PRRC2B: variants seen among roughly 807,000 people sequenced by gnomAD.
PRRC2B encodes proline rich coiled-coil 2B, also known as protein PRRC2B.
PRRC2B carries 68 observed loss-of-function variants against 242.3 expected under a neutral mutation model. The ratio of observed to expected loss-of-function variants is 0.28; its 90% CI spans 0.23 to 0.34. The LOEUF (loss-of-function observed/expected upper bound fraction) is 0.34. Among genes scored for constraint, PRRC2B ranks in the 10% least tolerant of loss-of-function variants. The pLI is 1.00. For synonymous variants in PRRC2B, 1,228 were observed against 1,173.6 expected (o/e 1.05, Z -0.95); for missense variants, 2,835 against 2,954.8 (o/e 0.96, Z 0.94).
chr9:131,402,496 C>T (rs560835374), intron 1 of PRRC2B, among the ~76,000 whole-genome samples: 6 of 152,276 alleles, frequency 3.9e-5, no homozygotes, highest in African/African-American at 1.2e-4. Context: ...ATTCATTCAG[C>T]GACGGGCAGC....
At chr9:131,445,131 C>G (rs1350768781) in intron 6 of PRRC2B, among the ~76,000 whole-genome samples, 2 of 151,960 alleles carry the variant, frequency 1.3e-5, no homozygotes, top group African/African-American at 4.8e-5. Context: ...CACTGCCTTT[C>G]CAGTGGCCCA....
At position 131,496,282 on chromosome 9, in the gene PRRC2B, A is replaced by G. The variant is rs892336470; in HGVS notation, c.*408A>G. 1 of 168,412 alleles carries G rather than the reference A, an allele frequency of 5.9e-6. No individual in the cohort carries two copies. Among genetic ancestry groups the G allele is most frequent in the Admixed American group, 6.1e-5 (1 of 16,284 alleles). The allele number at this position is 168,412 out of a possible 1,614,324, so 10.4% of individuals were successfully genotyped here. On this transcript the variant is annotated 3_prime_UTR_variant, in exon 32 of 32. Coordinates refer to ENST00000683519, the MANE Select transcript of PRRC2B (RefSeq NM_013318.4). Reference sequence around the variant, plus strand: ...TTGGCAGCAGGGTCATTTTACTTTGAGGCTTTTTGTTTTAAAATGTAGCCA... The same window carrying G: ...TTGGCAGCAGGGTCATTTTACTTTGGGGCTTTTTGTTTTAAAATGTAGCCA...
chr9:131,467,165 C>T (rs1219459595), intron 12 of PRRC2B, among the ~76,000 whole-genome samples: 2 of 151,344 alleles, frequency 1.3e-5, no homozygotes, highest in Non-Finnish European at 2.9e-5. Flanking sequence ...GAACTCCTGA[C>T]CTCAAGTGAT....
At chr9:131,388,225 AACTTTT>A (rs912817682) in intron 1 of PRRC2B, among the ~76,000 whole-genome samples, 11 of 146,440 alleles carry the variant, frequency 7.5e-5, no homozygotes, top group Non-Finnish European at 1.7e-4. Context: ...TAATTTCATC[AACTTTT>A]ACTTTTACTT....
intron 1 of PRRC2B, among the ~76,000 whole-genome samples, chr9:131,428,397 T>G (rs1217742996): frequency 6.6e-6 from 1 of 151,440 alleles, no homozygotes; most frequent in Non-Finnish European, 1.5e-5. Flanking sequence ...ATTATTTTTA[T>G]TTTTATTTAT....
intron 17 of PRRC2B, 46 bp from the exon 18 acceptor site, chr9:131,478,428 C>G: frequency 6.3e-7 from 1 of 1,594,570 alleles, no homozygotes; most frequent in Non-Finnish European, 8.6e-7. Flanking sequence ...GTTCTTGTCT[C>G]CTGGTGAGTG....
At chr9:131,450,483 T>C (rs1942878227) in intron 9 of PRRC2B, among the ~76,000 whole-genome samples, 1 of 152,114 alleles carries the variant, frequency 6.6e-6, no homozygotes, top group Non-Finnish European at 1.5e-5. Context: ...GCCAGGCTGG[T>C]CTCGAACTCC....
In PRRC2B at chr9:131,494,764, CAGGTCGGGGCTGAGGCGCCCTGGG is replaced by C. The variant is rs1944285000; in HGVS notation, c.6555+281_6555+304del. Among the ~76,000 whole-genome samples, 1 of 152,170 alleles carries C rather than the reference CAGGTCGGGGCTGAGGCGCCCTGGG, an allele frequency of 6.6e-6. No individual in the cohort carries two copies. The highest frequency in any genetic ancestry group is 2.4e-5 in the African/African-American group (1 of 41,448). On this transcript the variant is annotated intron_variant, in intron 31 of 31. Coordinates refer to ENST00000683519, the MANE Select transcript of PRRC2B (RefSeq NM_013318.4). The surrounding 1 kb of genome is among the most constrained non-coding windows in gnomAD (Gnocchi z 4.3). ...GTGCTGGAAGGTGGACCAGCCCTGG[CAGGTCGGGGCTGAGGCGCCCTGGG>C]AGACTCGGTTAGGTTTGGGGGTCGG...
intron 1 of PRRC2B, among the ~76,000 whole-genome samples, chr9:131,397,308 G>A (rs991590214): frequency 4.6e-5 from 7 of 152,168 alleles, no homozygotes; most frequent in African/African-American, 1.4e-4. Context: ...ATCTCGTACA[G>A]TGGCCGTCTC....
intron 3 of PRRC2B, among the ~76,000 whole-genome samples, chr9:131,433,395 G>T (rs541668084): frequency 6.6e-6 from 1 of 152,332 alleles, no homozygotes; most frequent in East Asian, 1.9e-4. Context: ...GAAACCCTAG[G>T]GGGCAGAGGG....
At position 131,470,823 on chromosome 9, in the gene PRRC2B, GTACCCC is replaced by G. The variant is rs1164947929; in HGVS notation, c.1948_1953del (p.Tyr650_Pro651del). The stretch of plus-strand genomic sequence containing the variant: ...ACAAGATGCAGCACTGGCAGCCGGT[GTACCCC>G]CCGCCGTCCCACCCCCAGCGCACCT... On this transcript the variant is annotated inframe_deletion, in exon 14 of 32. Transcript: ENST00000683519. 1 of 1,612,454 alleles carries G rather than the reference GTACCCC, an allele frequency of 6.2e-7. No homozygotes were observed. The highest frequency in any genetic ancestry group is 1.3e-5 in the African/African-American group (1 of 74,790).
chr9:131,412,799 T>C (rs866836834), intron 1 of PRRC2B, among the ~76,000 whole-genome samples: 46 of 144,016 alleles, frequency 3.2e-4, no homozygotes, highest in African/African-American at 1.2e-3. Flanking sequence ...CTCTCTCTCT[T>C]TTTTTTTTTT....
At chr9:131,382,581 G>A (rs978665229) in intron 1 of PRRC2B, among the ~76,000 whole-genome samples, 5 of 151,996 alleles carry the variant, frequency 3.3e-5, no homozygotes, top group Non-Finnish European at 7.4e-5. Flanking sequence ...TCTGTGCAAG[G>A]GCCCCCTGCT....
At chr9:131,439,423 T>C (rs1838482414) in intron 5 of PRRC2B, among the ~76,000 whole-genome samples, 1 of 152,176 alleles carries the variant, frequency 6.6e-6, no homozygotes, top group African/African-American at 2.4e-5. Flanking sequence ...TTCAAAGGAA[T>C]GTACTGGGGA....
chr9:131,415,061 C>T (rs1049923570), intron 1 of PRRC2B, among the ~76,000 whole-genome samples: 3 of 152,130 alleles, frequency 2.0e-5, no homozygotes, highest in African/African-American at 4.8e-5. Flanking sequence ...GGCACAATCT[C>T]GGTTCACTGT....
upstream of PRRC2B, among the ~76,000 whole-genome samples, chr9:131,389,627 G>T (rs1186628081): frequency 6.6e-6 from 1 of 150,512 alleles, no homozygotes; most frequent in African/African-American, 2.4e-5. Context: ...GCTGAGGTTT[G>T]GAGGCTTTAG....
chr9:131,468,349 A>G (rs1943452101), intron 13 of PRRC2B, among the ~76,000 whole-genome samples: 1 of 152,242 alleles, frequency 6.6e-6, no homozygotes, highest in Admixed American at 6.5e-5. Flanking sequence ...TGTGTAAACC[A>G]GGAAGAATGA....
At chr9:131,454,727 C>T (rs1418623892) in intron 9 of PRRC2B, among the ~76,000 whole-genome samples, 1 of 152,058 alleles carries the variant, frequency 6.6e-6, no homozygotes, top group Non-Finnish European at 1.5e-5. Flanking sequence ...CCTCTGCCTC[C>T]TGCGTTCAAG....
intron 1 of PRRC2B, among the ~76,000 whole-genome samples, chr9:131,420,486 T>TTTCCTTCTTTCC (rs1214915189): frequency 5.5e-5 from 1 of 18,270 alleles, no homozygotes; most frequent in South Asian, 4.7e-3. Flanking sequence ...TCTTTCTTTC[T>TTTCCTTCTTTCC]TTCTTTCTTT....
Sources: gnomAD v4.1 joint callset for allele counts (sites outside exome capture counted in the v4.1 genomes callset) on GRCh38, gnomAD v4.1.1 for gene constraint, Gnocchi (gnomAD v3.1) non-coding constraint, MANE v1.5 for transcripts, NCBI Gene and HGNC (gene_info 2026-07-23, HGNC 2026-07-21) for gene names.